FSTL4: variants seen among roughly 807,000 people sequenced by gnomAD.
The protein encoded by FSTL4 is follistatin-related protein 4.
Under a neutral mutation model 78.2 loss-of-function variants are expected in FSTL4, and 28 were observed. That is an observed-to-expected ratio of 0.36 (90% CI 0.27 to 0.49). The LOEUF is 0.49. Among genes scored for constraint, FSTL4 ranks in the 20% least tolerant of loss-of-function variants. The pLI is 0.98. For missense variants in FSTL4, 922 were observed against 1,084.9 expected, an observed-to-expected ratio of 0.85 and a Z score of 2.11; for synonymous variants, 422 against 440.5, an observed-to-expected ratio of 0.96 and a Z score of 0.53.
At chr5:133,562,788 A>G (rs1759944647) in intron 3 of FSTL4, among the ~76,000 whole-genome samples, 1 of 152,240 alleles carries the variant, frequency 6.6e-6, no homozygotes, top group Non-Finnish European at 1.5e-5. Flanking sequence ...GAGATGGCTG[A>G]CAAGGGCTGA....
chr5:133,774,939 A>G, the FSTL4 span, among the ~76,000 whole-genome samples: 135,297 of 152,178 alleles, frequency 0.89, 60,367 homozygotes, highest in African/African-American at 0.97. Flanking sequence ...GTTTCTAAGA[A>G]TGCAATAGTC....
chr5:133,274,561 G>T (rs1242980737), intron 6 of FSTL4, among the ~76,000 whole-genome samples: 1 of 152,120 alleles, frequency 6.6e-6, no homozygotes, highest in Non-Finnish European at 1.5e-5. Flanking sequence ...CCATTGGAAT[G>T]TCAGCCTAAG....
At chr5:133,471,708 G>A (rs1757829807) in intron 3 of FSTL4, among the ~76,000 whole-genome samples, 1 of 152,204 alleles carries the variant, frequency 6.6e-6, no homozygotes, top group Admixed American at 6.5e-5. Context: ...CTAACACAGG[G>A]ATGATCCTAA....
At chr5:133,476,258 T>C (rs529376703) in intron 3 of FSTL4, among the ~76,000 whole-genome samples, 8 of 152,252 alleles carry the variant, frequency 5.3e-5, no homozygotes, top group African/African-American at 1.9e-4. Context: ...TTAAGCTCAG[T>C]TACAAAAAGA....
intron 3 of FSTL4, among the ~76,000 whole-genome samples, chr5:133,508,234 T>C (rs461596): frequency 0.14 from 20,916 of 152,196 alleles, 1,501 homozygotes; most frequent in Non-Finnish European, 0.15. Flanking sequence ...AAGCATGCAG[T>C]GAATGTTAGC....
At chr5:133,257,324 G>A (rs1279786944) in intron 6 of FSTL4, among the ~76,000 whole-genome samples, 1 of 152,156 alleles carries the variant, frequency 6.6e-6, no homozygotes, top group Admixed American at 6.5e-5. Flanking sequence ...TGTAAAGCCT[G>A]GTTGCCCTCT....
At chr5:133,798,471 T>A in the FSTL4 span, among the ~76,000 whole-genome samples, 2 of 151,252 alleles carry the variant, frequency 1.3e-5, no homozygotes, top group Admixed American at 1.3e-4. Flanking sequence ...TTCCTGGACA[T>A]GGTTTTATGT....
At chr5:133,678,732 C>T in the FSTL4 span, among the ~76,000 whole-genome samples, 1 of 152,036 alleles carries the variant, frequency 6.6e-6, no homozygotes, top group East Asian at 1.9e-4. Context: ...GAATCATTGC[C>T]GTCTAGCTGG....
chr5:133,439,495 G>A (rs1028063889), intron 3 of FSTL4, among the ~76,000 whole-genome samples: 5 of 152,056 alleles, frequency 3.3e-5, no homozygotes, highest in African/African-American at 4.8e-5. Flanking sequence ...CCTTTCTACC[G>A]CTAAAAAGAA....
chr5:133,618,214 A>AATATG, the FSTL4 span, among the ~76,000 whole-genome samples: 1 of 152,166 alleles, frequency 6.6e-6, no homozygotes, highest in East Asian at 1.9e-4. Context: ...AAGTTATGTG[A>AATATG]ATATGATATA....
Position 133,225,321 on chromosome 5 carries a change from C to T in FSTL4, c.1178-37G>A. On this transcript the variant is annotated intron_variant, in intron 9 of 15. Coordinates refer to ENST00000265342, the MANE Select transcript of FSTL4 (RefSeq NM_015082.2). The surrounding 1 kb of genome is among the most constrained non-coding windows in gnomAD (Gnocchi z 4.6). ...ACAGTGCTCAGGGTGGACTGCTCAGCTGGAGACCCACTCACTTTCCTTTAT... is the reference window on the plus strand; with the variant it reads ...ACAGTGCTCAGGGTGGACTGCTCAGTTGGAGACCCACTCACTTTCCTTTAT... 6.2e-7 allele frequency: 1 copy of T among 1,613,266 alleles called. No individual in the cohort carries two copies. Among genetic ancestry groups the T allele is most frequent in the East Asian group, 2.2e-5 (1 of 44,852 alleles).
chr5:133,264,292 T>G (rs530403537), intron 6 of FSTL4, among the ~76,000 whole-genome samples: 2 of 152,148 alleles, frequency 1.3e-5, no homozygotes, highest in Non-Finnish European at 2.9e-5. Context: ...ATACTTATTT[T>G]TCGTATGTTG....
intron 6 of FSTL4, among the ~76,000 whole-genome samples, chr5:133,312,216 G>A (rs1336797296): frequency 6.6e-6 from 1 of 152,114 alleles, no homozygotes; most frequent in Non-Finnish European, 1.5e-5. Flanking sequence ...TCCTTGGGTA[G>A]TCACTGCTCC....
chr5:133,625,507 A>C, the FSTL4 span, among the ~76,000 whole-genome samples: 2 of 150,012 alleles, frequency 1.3e-5, no homozygotes, highest in Non-Finnish European at 3.0e-5. Context: ...TCCCCTTTTT[A>C]TTTTTGTCAG....
chr5:133,290,971 C>T (rs1420478554), intron 6 of FSTL4, among the ~76,000 whole-genome samples: 1 of 152,264 alleles, frequency 6.6e-6, no homozygotes, highest in East Asian at 1.9e-4. Context: ...TCTTGTGCCG[C>T]ATCTCCCAGC....
intron 2 of FSTL4, among the ~76,000 whole-genome samples, chr5:133,578,272 A>G (rs887951190): frequency 6.6e-6 from 1 of 152,284 alleles, no homozygotes; most frequent in Non-Finnish European, 1.5e-5. Flanking sequence ...TATTATGCCC[A>G]TGAGGGCAAA....
rs373405781 is a variant in FSTL4 at position 133,511,574 on chromosome 5, C to T, written c.160+55612G>A. On this transcript the variant is annotated intron_variant, in intron 3 of 15. Coordinates refer to ENST00000265342, the MANE Select transcript of FSTL4 (RefSeq NM_015082.2). ...AAGGCTGCAACTCCAAAGACTCTCC[C>T]GTGACACATCCTAAGAGGTGAGCAG... Among the ~76,000 whole-genome samples the T allele has an allele frequency of 3.4e-3, 519 of 152,296 alleles. 3 individuals are homozygous for T. The highest frequency in any genetic ancestry group is 0.012 in the African/African-American group (504 of 41,556).
intron 4 of FSTL4, among the ~76,000 whole-genome samples, chr5:133,396,660 G>T (rs1756056026): frequency 6.6e-6 from 1 of 152,094 alleles, no homozygotes; most frequent in Non-Finnish European, 1.5e-5. Flanking sequence ...CTGGAGGTGT[G>T]GGGCCCAATT....
At chr5:133,501,702 C>T (rs2112878196) in intron 3 of FSTL4, among the ~76,000 whole-genome samples, 1 of 152,280 alleles carries the variant, frequency 6.6e-6, no homozygotes, top group African/African-American at 2.4e-5. Flanking sequence ...AAGTACCATT[C>T]ATGTGATTAT....
Sources: allele counts gnomAD v4.1 joint callset (sites outside exome capture counted in the v4.1 genomes callset), GRCh38; gene constraint gnomAD v4.1.1; non-coding constraint Gnocchi (gnomAD v3.1); transcripts MANE v1.5; gene names NCBI Gene and HGNC (gene_info 2026-07-23, HGNC 2026-07-21).